CCDC167: variants seen among roughly 807,000 people sequenced by gnomAD.
CCDC167 encodes coiled-coil domain containing 167.
CCDC167 carries 15 observed loss-of-function variants against 12.7 expected under a neutral mutation model. The ratio of observed to expected loss-of-function variants is 1.18; its 90% confidence interval spans 0.79 to 1.81. The LOEUF (loss-of-function observed/expected upper bound fraction) is 1.81. Ranked by LOEUF, CCDC167 falls within the 40% of genes most tolerant of loss-of-function variation. The pLI is 0.00. For synonymous variants in CCDC167, 52 were observed against 49.0 expected (o/e 1.06, Z -0.26); for missense variants, 121 against 120.1 (o/e 1.01, Z -0.03).
chr6:37,495,095 T>C (rs1224131), intron 1 of CCDC167, among the ~76,000 whole-genome samples: 146,753 of 152,280 alleles, frequency 0.96, 70,767 homozygotes, highest in East Asian at 1. Context: ...CCACTGCACC[T>C]GGCCCCTACA....
At chr6:37,499,071 A>G (rs1048196964) in intron 1 of CCDC167, among the ~76,000 whole-genome samples, 1 of 152,128 alleles carries the variant, frequency 6.6e-6, no homozygotes, top group African/African-American at 2.4e-5. Flanking sequence ...TTCCAGGAAG[A>G]CCACCTGTGC....
In CCDC167 at chr6:37,484,858, A is replaced by G; in HGVS notation, c.142T>C (p.Ser48Pro). Residue 48 changes from serine to proline, a missense_variant, in exon 3 of 4, where the codon TCC (serine) becomes CCC (proline). Transcript: ENST00000373408. Reference protein sequence around the residue: ...SRELSPEARRSLEKEKNSLMN... With the variant: ...SRELSPEARRPLEKEKNSLMN... ...AGGCTGTTTTTCTCCTTCTCCAGGG[A>G]CCTCCTGTGAGGGGAAAGGAGCTTC... 1 of 1,613,938 alleles carries G rather than the reference A, an allele frequency of 6.2e-7. No individual in the cohort carries two copies. The highest frequency in any genetic ancestry group is 8.5e-7 in the Non-Finnish European group (1 of 1,179,988).
At chr6:37,483,345 G>A in intron 3 of CCDC167, 56 bp from the exon 4 acceptor site, 1 of 1,201,014 alleles carries the variant, frequency 8.3e-7, no homozygotes, top group Non-Finnish European at 1.2e-6. Context: ...CGTCTGTTCT[G>A]CTCTGCCTCT....
At chr6:37,495,059 CA>C (rs1274662067) in intron 1 of CCDC167, among the ~76,000 whole-genome samples, 7 of 152,178 alleles carry the variant, frequency 4.6e-5, no homozygotes, top group African/African-American at 1.4e-4. Flanking sequence ...CTCAGCCTCC[CA>C]AAATACTGGG....
chr6:37,491,819 G>A (rs914744722), intron 1 of CCDC167, among the ~76,000 whole-genome samples: 3 of 152,232 alleles, frequency 2.0e-5, no homozygotes, highest in African/African-American at 7.2e-5. Context: ...CCTGTGAGGT[G>A]GGCAGTATTA....
At chr6:37,493,988 C>T (rs903040956) in intron 1 of CCDC167, among the ~76,000 whole-genome samples, 1 of 151,712 alleles carries the variant, frequency 6.6e-6, no homozygotes, top group Non-Finnish European at 1.5e-5. Flanking sequence ...TCAAGCCTTC[C>T]GGTGCTCTTC....
At chr6:37,487,645 A>G (rs1193406724) in intron 1 of CCDC167, among the ~76,000 whole-genome samples, 1 of 152,220 alleles carries the variant, frequency 6.6e-6, no homozygotes, top group Admixed American at 6.5e-5. Flanking sequence ...CTGGAAGGCT[A>G]CCAAGTGCCC....
At chr6:37,496,114 G>C (rs1762094384) in intron 1 of CCDC167, among the ~76,000 whole-genome samples, 2 of 152,184 alleles carry the variant, frequency 1.3e-5, no homozygotes, top group South Asian at 4.1e-4. Context: ...GGCACTTGGA[G>C]AATACATGCC....
chr6:37,485,306 G>T, intron 1 of CCDC167, 112 bp from the exon 2 acceptor site: 1 of 790,732 alleles, frequency 1.3e-6, no homozygotes, highest in Non-Finnish European at 2.1e-6. Flanking sequence ...CCCCCCATTC[G>T]TTTTGGCAGG....
intron 1 of CCDC167, among the ~76,000 whole-genome samples, chr6:37,488,871 T>A (rs1761978733): frequency 6.6e-6 from 1 of 152,086 alleles, no homozygotes; most frequent in Non-Finnish European, 1.5e-5. Context: ...TATCAGAGAG[T>A]GGTTTGCACT....
intron 1 of CCDC167, among the ~76,000 whole-genome samples, chr6:37,492,205 T>C (rs1028063427): frequency 1.3e-5 from 2 of 152,224 alleles, no homozygotes; most frequent in Non-Finnish European, 2.9e-5. Context: ...TTATGCTCTT[T>C]CCACCACTTC....
chr6:37,497,553 C>T (rs1197935509), intron 1 of CCDC167, among the ~76,000 whole-genome samples: 2 of 151,760 alleles, frequency 1.3e-5, no homozygotes, highest in Non-Finnish European at 2.9e-5. Flanking sequence ...GGTCGGGGAT[C>T]GGGGGCACTT....
chr6:37,498,289 G>A (rs1727621101), intron 1 of CCDC167, among the ~76,000 whole-genome samples: 1 of 152,014 alleles, frequency 6.6e-6, no homozygotes, highest in African/African-American at 2.4e-5. Flanking sequence ...TCACTTTCTT[G>A]TTCTTGAAGC....
At chr6:37,488,182 GT>G (rs1209302319) in intron 1 of CCDC167, among the ~76,000 whole-genome samples, 1 of 152,250 alleles carries the variant, frequency 6.6e-6, no homozygotes, top group African/African-American at 2.4e-5. Flanking sequence ...GTCAACATGA[GT>G]GGAGAGACTC....
chr6:37,493,282 T>A (rs1342559997), intron 1 of CCDC167, among the ~76,000 whole-genome samples: 1 of 152,238 alleles, frequency 6.6e-6, no homozygotes, highest in Non-Finnish European at 1.5e-5. Context: ...CAGCTGTCCC[T>A]GGGCCGGAAG....
chr6:37,490,386 GA>G (rs1477633969), intron 1 of CCDC167, among the ~76,000 whole-genome samples: 1 of 152,120 alleles, frequency 6.6e-6, no homozygotes, highest in African/African-American at 2.4e-5. Flanking sequence ...GAGGAGGAAG[GA>G]AAAAGAGGCA....
intron 1 of CCDC167, among the ~76,000 whole-genome samples, chr6:37,487,231 C>G (rs1424103071): frequency 6.6e-6 from 1 of 152,236 alleles, no homozygotes; most frequent in Non-Finnish European, 1.5e-5. Flanking sequence ...TGTGAACTGC[C>G]TGGTCCCGGC....
rs1561796548 is a variant in CCDC167, at chr6:37,483,107, AT to A, written c.*78del. 5 of 1,111,056 alleles carry A rather than the reference AT, an allele frequency of 4.5e-6. No homozygotes were observed. In the South Asian group the frequency reaches 6.2e-5, roughly 14 times the overall value. The allele number at this position is 1,111,056 out of a possible 1,614,324, so 68.8% of individuals were successfully genotyped here. On this transcript the variant is annotated 3_prime_UTR_variant, in exon 4 of 4. Transcript: ENST00000373408. ...GGGAACACCCCAGCACCTTGGTCCT[AT>A]TGAGGCTTGAAGTGCCTGCTTGATC...
At chr6:37,494,945 G>T (rs1415826603) in intron 1 of CCDC167, among the ~76,000 whole-genome samples, 2 of 151,624 alleles carry the variant, frequency 1.3e-5, no homozygotes, top group Non-Finnish European at 2.9e-5. Flanking sequence ...GATTACAGGC[G>T]TGTACCACCA....
Sources: allele counts gnomAD v4.1 joint callset (sites outside exome capture counted in the v4.1 genomes callset), GRCh38; gene constraint gnomAD v4.1.1; transcripts MANE v1.5; gene names NCBI Gene and HGNC (gene_info 2026-07-23, HGNC 2026-07-21).